Variants in PON2 observed in about 807,000 individuals in gnomAD.
PON2 encodes paraoxonase 2, also known as serum paraoxonase/arylesterase 2.
In PON2, 27 loss-of-function variants were observed where a neutral mutation model predicts 36.6. The observed-to-expected ratio is 0.74, with a 90% CI of 0.54 to 1.02. The LOEUF (loss-of-function observed/expected upper bound fraction) is 1.02, where lower values mean the gene tolerates loss of function less well. Among genes scored for constraint, PON2 ranks in the 50% least tolerant of loss-of-function variants. The probability of loss-of-function intolerance (pLI) is 0.00; values close to 1 mark genes in which losing one functional copy is unlikely to be tolerated. For missense variants in PON2, 363 were observed against 421.1 expected, an observed-to-expected ratio of 0.86 and a Z score of 1.21; for synonymous variants, 149 against 156.3, an observed-to-expected ratio of 0.95 and a Z score of 0.35.
At chr7:95,424,165 G>A (rs1487498365) in intron 2 of PON2, 1 of 327,586 alleles carries the variant, frequency 3.1e-6, no homozygotes, top group African/African-American at 2.1e-5. Context: ...CCTACATAAA[G>A]CTTCCTTCAC....
chr7:95,405,421 G>A lies in PON2; in HGVS notation c.974C>T (p.Ser325Phe). 1 of 1,613,734 alleles carries A rather than the reference G, an allele frequency of 6.2e-7. No homozygotes were observed. Among genetic ancestry groups the A allele is most frequent in the Non-Finnish European group, 8.5e-7 (1 of 1,179,650 alleles). Reference sequence around the variant, plus strand: ...GGCTACAGAACTTCCTTGGAGAACAGACCCATTGTTGGCATAAACTGTAGT... The same window carrying A: ...GGCTACAGAACTTCCTTGGAGAACAAACCCATTGTTGGCATAAACTGTAGT... ...TVTTVYANNG[S>F]VLQGSSVASV... Residue 325 changes from serine to phenylalanine, a missense_variant, in exon 9 of 9, where the codon TCT (serine) becomes TTT (phenylalanine). Transcript: ENST00000222572.
At chr7:95,433,624 A>G (rs949769066) in intron 1 of PON2, among the ~76,000 whole-genome samples, 6 of 152,334 alleles carry the variant, frequency 3.9e-5, no homozygotes, top group African/African-American at 7.2e-5. Flanking sequence ...TTTTCAACTT[A>G]TATTTAATGG....
Position 95,425,901 on chromosome 7 carries a change from G to GT in PON2, c.75-1317dup, listed in dbSNP as rs145793403. Among the ~76,000 whole-genome samples the GT allele has an allele frequency of 5.9e-3, 892 of 152,084 alleles. 10 individuals are homozygous for GT. Among genetic ancestry groups the GT allele is most frequent in the African/African-American group, 0.02 (849 of 41,476 alleles). ...TATAATAAAAAATAATGCATTAAATGTATTAAATAATACAAATTTTTAAAT... is the reference window on the plus strand; with the variant it reads ...TATAATAAAAAATAATGCATTAAATGTTATTAAATAATACAAATTTTTAAAT... On this transcript the variant is annotated intron_variant, in intron 1 of 8. Transcript: ENST00000222572.
intron 3 of PON2, chr7:95,415,876 C>T (rs890266584): frequency 1.8e-5 from 4 of 223,466 alleles, no homozygotes; most frequent in African/African-American, 4.7e-5. Flanking sequence ...TGCTTGAACC[C>T]GGGAGGCGGA....
At chr7:95,427,934 A>T (rs1789353011) in intron 1 of PON2, among the ~76,000 whole-genome samples, 1 of 152,220 alleles carries the variant, frequency 6.6e-6, no homozygotes, top group Admixed American at 6.5e-5. Flanking sequence ...AAACACATAT[A>T]AGTGATGATA....
intron 8 of PON2, among the ~76,000 whole-genome samples, 191 bp from the exon 9 acceptor site, chr7:95,405,679 C>A (rs75329896): frequency 0.011 from 1,615 of 152,264 alleles, 28 homozygotes; most frequent in African/African-American, 0.036. Flanking sequence ...TTTCTTAAAA[C>A]CATCTAGTTA....
chr7:95,432,096 C>T (rs973680668), intron 1 of PON2, among the ~76,000 whole-genome samples: 3 of 152,054 alleles, frequency 2.0e-5, no homozygotes, highest in Non-Finnish European at 4.4e-5. Flanking sequence ...ATCACAGTCA[C>T]GTAAAGAAAA....
At chr7:95,430,155 T>C (rs1223446189) in intron 1 of PON2, among the ~76,000 whole-genome samples, 1 of 152,106 alleles carries the variant, frequency 6.6e-6, no homozygotes, top group Non-Finnish European at 1.5e-5. Flanking sequence ...TCAGTAAATG[T>C]ACGTTTTGGT....
At position 95,434,917 on chromosome 7, in the gene PON2, A is replaced by G; in HGVS notation, c.35T>C (p.Ile12Thr). ...GRLVAVGLLG[I>T]ALALLGERLL... ...CCTCTCGCCCAGGAGCGCCAGCGCG[A>G]TCCCCAGCAAGCCCACAGCCACCAG... The change falls in exon 1 of 9, where the codon ATC (isoleucine) becomes ACC (threonine). Residue 12 changes from isoleucine (I) to threonine (T), a missense_variant. Physicochemically the swap from Ile to Thr is moderately conservative, Grantham distance 89. Coordinates refer to ENST00000222572, the MANE Select transcript of PON2 (RefSeq NM_000305.3). 2.6e-6 allele frequency: 4 copies of G among 1,539,052 alleles called. No homozygotes were observed. The highest frequency in any genetic ancestry group is 2.6e-6 in the Non-Finnish European group (3 of 1,145,032).
chr7:95,413,159 T>C (rs1788977321), intron 3 of PON2: 1 of 149,818 alleles, frequency 6.7e-6, no homozygotes, highest in Admixed American at 6.8e-5. Flanking sequence ...CTGAGTGTTA[T>C]GGTGAGCACT....
chr7:95,431,555 G>A (rs927606038), intron 1 of PON2, among the ~76,000 whole-genome samples: 2 of 151,956 alleles, frequency 1.3e-5, no homozygotes, highest in Non-Finnish European at 2.9e-5. Flanking sequence ...AAGTAGCTGG[G>A]ATTACAGGGA....
At chr7:95,424,403 G>A (rs1789265282) in intron 2 of PON2, 112 bp downstream of exon 2, 2 of 860,516 alleles carry the variant, frequency 2.3e-6, no homozygotes, top group Non-Finnish European at 3.9e-6. Flanking sequence ...TTGATCTAAT[G>A]TGATTTATCC....
At chr7:95,407,342 C>A (rs1809726504) in intron 6 of PON2, among the ~76,000 whole-genome samples, 1 of 152,022 alleles carries the variant, frequency 6.6e-6, no homozygotes, top group South Asian at 2.1e-4. Context: ...TCCATATTTG[C>A]CACTGAAATG....
At chr7:95,430,063 A>C (rs1440610608) in intron 1 of PON2, among the ~76,000 whole-genome samples, 1 of 152,194 alleles carries the variant, frequency 6.6e-6, no homozygotes, top group East Asian at 1.9e-4. Context: ...TAACCTCAGT[A>C]TTTACAGTTA....
chr7:95,434,199 A>G (rs1562795345), intron 1 of PON2: 1 of 152,278 alleles, frequency 6.6e-6, no homozygotes, highest in Non-Finnish European at 1.5e-5. Context: ...TCTACAAAAA[A>G]TAAAATAAAC....
chr7:95,405,005 G>A lies in PON2; in HGVS notation c.*325C>T. 2 of 270,836 alleles carry A rather than the reference G, an allele frequency of 7.4e-6. No homozygotes were observed. The highest frequency in any genetic ancestry group is 1.5e-5 in the Non-Finnish European group (2 of 137,504). 16.8% of individuals were successfully genotyped at this position (270,836 alleles called of 1,614,324 possible). ...AGAAGTGAGGTCACTCACATTTTAA[G>A]GAAATATAATTCACTCTATTTCAGT... On this transcript the variant is annotated 3_prime_UTR_variant, in exon 9 of 9. Coordinates refer to ENST00000222572, the MANE Select transcript of PON2 (RefSeq NM_000305.3).
intron 1 of PON2, among the ~76,000 whole-genome samples, chr7:95,430,714 T>A (rs1253053081): frequency 8.6e-5 from 13 of 151,690 alleles, no homozygotes; most frequent in Admixed American, 8.5e-4. Context: ...GAGCTATGAT[T>A]GTGCTGCTGC....
chr7:95,432,056 A>C (rs1789455675), intron 1 of PON2, among the ~76,000 whole-genome samples: 1 of 152,168 alleles, frequency 6.6e-6, no homozygotes, highest in Admixed American at 6.5e-5. Flanking sequence ...TAAAGTTACC[A>C]TTTTATAAAG....
At position 95,404,923 on chromosome 7, in the gene PON2, A is replaced by C. The variant is rs879134907; in HGVS notation, c.*407T>G. On this transcript the variant is annotated 3_prime_UTR_variant, in exon 9 of 9. Coordinates refer to ENST00000222572, the MANE Select transcript of PON2 (RefSeq NM_000305.3). ...TTTAATGGTAAACAAAGATGTAAGT[A>C]CAAAACATCAAAATACGTTATCAGT... The C allele has an allele frequency of 4.0e-5, 7 of 174,490 alleles. No individual in the cohort carries two copies. The South Asian group carries it at 9.0e-4, about 22-fold the overall frequency. 10.8% of individuals were successfully genotyped at this position (174,490 alleles called of 1,614,324 possible).
Sources: allele counts gnomAD v4.1 joint callset (sites outside exome capture counted in the v4.1 genomes callset), GRCh38; gene constraint gnomAD v4.1.1; transcripts MANE v1.5; gene names NCBI Gene and HGNC (gene_info 2026-07-23, HGNC 2026-07-21).